The following KAT2A variants were observed in gnomAD, a reference collection of about 807,000 sequenced individuals.
KAT2A encodes histone acetyltransferase KAT2A.
Under a neutral mutation model 95.2 loss-of-function variants are expected in KAT2A, and 42 were observed. The ratio of observed to expected loss-of-function variants is 0.44; its 90% CI spans 0.34 to 0.57. The LOEUF is 0.57. Ranked by LOEUF, KAT2A falls within the 20% of genes least tolerant of loss-of-function variation. KAT2A has a pLI of 0.01. For missense variants in KAT2A, 784 were observed against 1,126.3 expected (o/e 0.70, Z 4.35); for synonymous variants, 449 against 448.2 (o/e 1.00, Z -0.02).
rs1366126453 is a variant in KAT2A, at chr17:42,121,078, G to A, written c.227C>T (p.Pro76Leu). 2.6e-6 allele frequency: 4 copies of A among 1,563,678 alleles called. No homozygotes were observed. The highest frequency in any genetic ancestry group is 2.6e-6 in the Non-Finnish European group (3 of 1,157,408). Residue 76 changes from proline to leucine, a missense_variant, in exon 1 of 18, where the codon CCG (proline) becomes CTG (leucine). Physicochemically the swap from Pro to Leu is moderately conservative, Grantham distance 98. Around this residue, in one of 6 missense-constraint regions of KAT2A, gnomAD observed 142 missense variants for 123.2 expected, o/e 1.15. Transcript: ENST00000225916. ...GSGGAGSGGD[P>L]ARPGLSQQQR... ...CTGCTGGCTCAGGCCAGGTCGAGCC[G>A]GATCCCCCCCGCTCCCGGCCCCCCC...
rs200523371 is a variant in KAT2A, at chr17:42,117,498, C to T, written c.1527G>A (p.Thr509=). The change falls in exon 10 of 18, where the codon ACG becomes ACA. Residue 509 remains threonine (T), a synonymous_variant. Transcript: ENST00000225916. This position sits in a 1 kb window ranked among gnomAD's most constrained non-coding sequence, Gnocchi z 8.9. ...GCAACACCCGCCGGTTGGCCTTGGG[C>T]GTCAGTGAGTTGCCGATGACATGGA... ...IEFHVIGNSL[T]PKANRRVLLW... is the part of the protein sequence containing the mutation. 72 of 1,613,722 alleles carry T rather than the reference C, an allele frequency of 4.5e-5. No homozygotes were observed. The highest frequency in any genetic ancestry group is 5.5e-5 in the Non-Finnish European group (65 of 1,180,034).
chr17:42,120,990 C>T lies in KAT2A; in HGVS notation c.315G>A (p.Lys105=), dbSNP rs1383620146. 1.3e-6 allele frequency: 2 copies of T among 1,591,194 alleles called. No individual in the cohort carries two copies. Among genetic ancestry groups the T allele is most frequent in the Non-Finnish European group, 1.7e-6 (2 of 1,170,246 alleles). The change falls in exon 1 of 18, where the codon AAG becomes AAA. Residue 105 remains lysine, a synonymous_variant. Transcript: ENST00000225916. ...RGLPRAKKLE[K]LGVFSACKAN... is the part of the protein sequence containing the mutation. ...CCTTGCAAGCCGAGAAGACCCCTAGCTTCTCAAGCTTCTTGGCGCGCGGCA... is the reference window on the plus strand; with the variant it reads ...CCTTGCAAGCCGAGAAGACCCCTAGTTTCTCAAGCTTCTTGGCGCGCGGCA...
chr17:42,120,690 G>C lies in KAT2A; in HGVS notation c.463+16C>G, dbSNP rs2054323822. 2 of 1,613,684 alleles carry C rather than the reference G, an allele frequency of 1.2e-6. No homozygotes were observed. Among genetic ancestry groups the C allele is most frequent in the African/African-American group, 2.7e-5 (2 of 74,906 alleles). On this transcript the variant is annotated intron_variant, in intron 2 of 17. Transcript: ENST00000225916. The stretch of plus-strand genomic sequence containing the variant: ...CCAGCACCTGCCCCCAGCTCCAAGG[G>C]CGCTGCCTGCCTTACCCAAGGGGTG...
intron 11 of KAT2A, 98 bp downstream of exon 11, chr17:42,116,935 AGC>A (rs2054266790): frequency 7.0e-7 from 1 of 1,427,142 alleles, no homozygotes; most frequent in Non-Finnish European, 9.6e-7. Context: ...CTAAGAGAAG[AGC>A]AACGGGCTGC....
chr17:42,121,252 G>GGCCGGGGCTGCGCA lies in KAT2A; in HGVS notation c.39_52dup (p.Pro18LeufsTer53). On this transcript the variant is annotated frameshift_variant, in exon 1 of 18. Transcript: ENST00000225916. LOFTEE classifies it high-confidence loss of function. Reference sequence around the variant, plus strand: ...TGGGGCAGGGGCTGGGGACTGAAGGGGCCGGGGCTGCGCAGCCGGGGCCGG... The same window carrying GGCCGGGGCTGCGCA: ...TGGGGCAGGGGCTGGGGACTGAAGGGGCCGGGGCTGCGCAGCCGGGGCTGCGCAGCCGGGGCCGG... 7.4e-7 allele frequency: 1 copy of GGCCGGGGCTGCGCA among 1,358,800 alleles called. No homozygotes were observed. The highest frequency in any genetic ancestry group is 1.5e-5 in the African/African-American group (1 of 64,734). The allele number at this position is 1,358,800 out of a possible 1,614,324, so 84.2% of individuals were successfully genotyped here.
chr17:42,113,905 C>T, intron 17 of KAT2A, 63 bp from the exon 18 acceptor site: 34 of 1,494,138 alleles, frequency 2.3e-5, no homozygotes, highest in Non-Finnish European at 3.0e-5. Flanking sequence ...GGCTGTCCAC[C>T]AGGGTGGGCC....
Position 42,114,099 on chromosome 17 carries a change from C to T in KAT2A, c.2236-15G>A, listed in dbSNP as rs782564728. 39 of 1,555,048 alleles carry T rather than the reference C, an allele frequency of 2.5e-5. No individual in the cohort carries two copies. The highest frequency in any genetic ancestry group is 7.0e-5 in the East Asian group (3 of 42,720). ...CTGGGGTGAGACTGGAGAGAAGAGC[C>T]GGGCTGGGGACAGCCCTGCTGCGCC... On this transcript the variant is annotated splice_polypyrimidine_tract_variant and intron_variant, in intron 16 of 17. Coordinates refer to ENST00000225916, the MANE Select transcript of KAT2A (RefSeq NM_021078.3). The surrounding 1 kb of genome is among the most constrained non-coding windows in gnomAD (Gnocchi z 6.0).
rs1425921922 is a variant in KAT2A at position 42,119,037 on chromosome 17, T to C, written c.1073+208A>G. 4.5e-5 allele frequency: 63 copies of C among 1,395,720 alleles called. No individual in the cohort carries two copies. The highest frequency in any genetic ancestry group is 5.1e-5 in the Non-Finnish European group (55 of 1,076,716). 86.5% of individuals were successfully genotyped at this position (1,395,720 alleles called of 1,614,324 possible). ...GCGTAGGGTCGGGTGGGGGCAGCGT[T>C]AGCTTGGGCTATGTACCTGCCATCC... On this transcript the variant is annotated intron_variant, in intron 6 of 17. Transcript: ENST00000225916. This position sits in a 1 kb window ranked among gnomAD's most constrained non-coding sequence, Gnocchi z 5.3.
Position 42,113,539 on chromosome 17 carries a change from TG to T in KAT2A, c.*109del. On this transcript the variant is annotated 3_prime_UTR_variant, in exon 18 of 18. Coordinates refer to ENST00000225916, the MANE Select transcript of KAT2A (RefSeq NM_021078.3). ...GGATCGGGTCCGGAGGACCCTTGGC[TG>T]GAGTGTCTCAAGCTGAGTCGGGTCC... is the stretch of plus-strand genomic sequence containing the variant. 2.8e-6 allele frequency: 3 copies of T among 1,057,760 alleles called. No individual in the cohort carries two copies. The highest frequency in any genetic ancestry group is 4.1e-6 in the Non-Finnish European group (3 of 729,188). The allele number at this position is 1,057,760 out of a possible 1,614,324, so 65.5% of individuals were successfully genotyped here.
Position 42,120,581 on chromosome 17 carries a change from C to G in KAT2A, c.463+125G>C, listed in dbSNP as rs189698015. On this transcript the variant is annotated intron_variant, in intron 2 of 17. Transcript: ENST00000225916. ...TCTCCCCCCTTGGTGCACACCCCCC[C>G]CCAACCCAATCCCTCCTTCGAGGCA... The G allele has an allele frequency of 7.4e-4, 1,014 of 1,365,870 alleles. 5 individuals carry two copies. In the African/African-American group the frequency reaches 0.013, roughly 17 times the overall value. 84.6% of individuals were successfully genotyped at this position (1,365,870 alleles called of 1,614,324 possible).
chr17:42,114,930 A>G lies in KAT2A; in HGVS notation c.1981T>C (p.Tyr661His). 1 of 1,614,056 alleles carries G rather than the reference A, an allele frequency of 6.2e-7. No individual in the cohort carries two copies. Among genetic ancestry groups the G allele is most frequent in the South Asian group, 1.1e-5 (1 of 91,088 alleles). Reference protein sequence around the residue: ...MECELNPRIPYTELSHIIKKQ... With the variant: ...MECELNPRIPHTELSHIIKKQ... Reference sequence around the variant, plus strand: ...TTGATGATGTGGGACAGCTCCGTGTAGGGGATGCGGGGATTCAGCTCACAC... The same window carrying G: ...TTGATGATGTGGGACAGCTCCGTGTGGGGGATGCGGGGATTCAGCTCACAC... Residue 661 changes from tyrosine to histidine, a missense_variant, in exon 13 of 18, where the codon TAC (tyrosine) becomes CAC (histidine). Tyr to His is a moderately conservative substitution (Grantham distance 83, BLOSUM62 2). Coordinates refer to ENST00000225916, the MANE Select transcript of KAT2A (RefSeq NM_021078.3). The surrounding 1 kb of genome is among the most constrained non-coding windows in gnomAD (Gnocchi z 6.0).
chr17:42,117,195 C>T lies in KAT2A; in HGVS notation c.1638-34G>A, dbSNP rs782450024. 1.1e-5 allele frequency: 17 copies of T among 1,612,108 alleles called. No individual in the cohort carries two copies. The highest frequency in any genetic ancestry group is 9.3e-5 in the African/African-American group (7 of 74,916). Reference sequence around the variant, plus strand: ...GAGGGGGGCATGTCATAGCCCCTGACTGTCCCCTTCAGGTCCCCAGAGCCC... The same window carrying T: ...GAGGGGGGCATGTCATAGCCCCTGATTGTCCCCTTCAGGTCCCCAGAGCCC... On this transcript the variant is annotated intron_variant, in intron 10 of 17. Coordinates refer to ENST00000225916, the MANE Select transcript of KAT2A (RefSeq NM_021078.3). This position sits in a 1 kb window ranked among gnomAD's most constrained non-coding sequence, Gnocchi z 8.9.
intron 7 of KAT2A, 128 bp from the exon 8 acceptor site, chr17:42,118,145 G>C (rs2054288817): frequency 1.3e-6 from 1 of 766,020 alleles, no homozygotes; most frequent in Non-Finnish European, 2.1e-6. Flanking sequence ...TGAGGAGAGA[G>C]AGAGAGAAGG....
intron 7 of KAT2A, 53 bp from the exon 8 acceptor site, chr17:42,118,070 G>A (rs1394315468): frequency 7.4e-6 from 9 of 1,211,266 alleles, no homozygotes; most frequent in South Asian, 1.5e-5. Flanking sequence ...AGGAGAGAGA[G>A]AGAGAAGTCA....
chr17:42,119,895 G>T lies in KAT2A; in HGVS notation c.699+135C>A. The T allele has an allele frequency of 9.9e-7, 1 of 1,006,328 alleles. No homozygotes were observed. Among genetic ancestry groups the T allele is most frequent in the Non-Finnish European group, 1.5e-6 (1 of 660,162 alleles). The allele number at this position is 1,006,328 out of a possible 1,614,324, so 62.3% of individuals were successfully genotyped here. On this transcript the variant is annotated intron_variant, in intron 4 of 17. Coordinates refer to ENST00000225916, the MANE Select transcript of KAT2A (RefSeq NM_021078.3). The surrounding 1 kb of genome is among the most constrained non-coding windows in gnomAD (Gnocchi z 5.3). ...TCCCTACCACCATGCCCACCCTGAG[G>T]TTAGCACAAAACACCCTTCCTTCTC...
chr17:42,115,667 C>T, intron 12 of KAT2A, 56 bp downstream of exon 12: 1 of 1,115,706 alleles, frequency 9.0e-7, no homozygotes, highest in African/African-American at 1.5e-5. Flanking sequence ...AGGGGCTGGA[C>T]AGAATTACCC....
rs782653829 is a variant in KAT2A at position 42,120,339 on chromosome 17, T to C, written c.495A>G (p.Ser165=). The C allele has an allele frequency of 6.2e-7, 1 of 1,614,242 alleles. No homozygotes were observed. Among genetic ancestry groups the C allele is most frequent in the South Asian group, 1.1e-5 (1 of 91,084 alleles). Residue 165 remains serine (S), a synonymous_variant, in exon 3 of 18, where the codon TCA becomes TCG. Coordinates refer to ENST00000225916, the MANE Select transcript of KAT2A (RefSeq NM_021078.3). The part of the protein sequence containing the change: ...ADHVSHLENV[S]EDEINRLLGM... ...CCAGCAGTCGGTTTATCTCATCCTC[T>C]GACACATTCTCCAAGTGGGATACGT...
In KAT2A at chr17:42,114,937, G is replaced by A. The variant is rs782733772; in HGVS notation, c.1974C>T (p.Arg658=). 5.0e-6 allele frequency: 8 copies of A among 1,613,940 alleles called. No individual in the cohort carries two copies. Among genetic ancestry groups the A allele is most frequent in the Admixed American group, 3.3e-5 (2 of 59,992 alleles). Residue 658 remains arginine (R), a synonymous_variant, in exon 13 of 18, where the codon CGC becomes CGT. Coordinates refer to ENST00000225916, the MANE Select transcript of KAT2A (RefSeq NM_021078.3). This position sits in a 1 kb window ranked among gnomAD's most constrained non-coding sequence, Gnocchi z 6.0. ...TGTGGGACAGCTCCGTGTAGGGGAT[G>A]CGGGGATTCAGCTCACACTCCATCA... ...ATLMECELNP[R]IPYTELSHII...
At position 42,119,339 on chromosome 17, in the gene KAT2A, T is replaced by C; in HGVS notation, c.979A>G (p.Thr327Ala). 6.2e-7 allele frequency: 1 copy of C among 1,613,566 alleles called. No homozygotes were observed. Among genetic ancestry groups the C allele is most frequent in the Non-Finnish European group, 8.5e-7 (1 of 1,179,826 alleles). Residue 327 changes from threonine to alanine, a missense_variant, in exon 6 of 18, where the codon ACC becomes GCC. Coordinates refer to ENST00000225916, the MANE Select transcript of KAT2A (RefSeq NM_021078.3). The surrounding 1 kb of genome is among the most constrained non-coding windows in gnomAD (Gnocchi z 5.3). Reference sequence around the variant, plus strand: ...TCCAGCAGCTGCCGGCGGGTAACGGTGAAAATGGACCGGAGAAGGCTTCGC... The same window carrying C: ...TCCAGCAGCTGCCGGCGGGTAACGGCGAAAATGGACCGGAGAAGGCTTCGC... ...FGRSLLRSIF[T>A]VTRRQLLEKF...
Sources: gnomAD v4.1 joint callset for allele counts on GRCh38, gnomAD v4.1.1 for gene constraint, gnomAD v4.1.1 regional missense constraint, Gnocchi (gnomAD v3.1) non-coding constraint, MANE v1.5 for transcripts, NCBI Gene and HGNC (gene_info 2026-07-23, HGNC 2026-07-21) for gene names.